The following CPA6 variants were observed in gnomAD, a reference collection of about 807,000 sequenced individuals.
CPA6 encodes carboxypeptidase A6.
A neutral mutation model predicts 63.3 loss-of-function variants in CPA6; 58 were observed. The observed-to-expected ratio is 0.92, with a 90% CI of 0.74 to 1.14. CPA6 has a LOEUF of 1.14. CPA6 is among the 50% of genes most tolerant of loss of function. The pLI, the probability that CPA6 is intolerant of heterozygous loss-of-function variation, is 0.00. For missense variants in CPA6, 565 were observed against 526.6 expected, an observed-to-expected ratio of 1.07 and a Z score of -0.71; for synonymous variants, 185 against 179.0, an observed-to-expected ratio of 1.03 and a Z score of -0.27.
intron 1 of CPA6, among the ~76,000 whole-genome samples, chr8:67,671,606 C>G (rs757453771): frequency 6.6e-6 from 1 of 152,160 alleles, no homozygotes; most frequent in African/African-American, 2.4e-5. Flanking sequence ...TTGCTTTCCT[C>G]GAATCTGAAA....
At chr8:67,648,972 AT>A (rs35455724) in intron 1 of CPA6, among the ~76,000 whole-genome samples, 27 of 148,652 alleles carry the variant, frequency 1.8e-4, no homozygotes, top group African/African-American at 3.4e-4. Context: ...TGGGGAGGGA[AT>A]TTTTTTTTTA....
intron 1 of CPA6, among the ~76,000 whole-genome samples, chr8:67,714,306 C>T (rs1817333766): frequency 6.6e-6 from 1 of 152,134 alleles, no homozygotes; most frequent in African/African-American, 2.4e-5. Context: ...GAATTTGCCC[C>T]AACTGAGGAG....
In CPA6 at chr8:67,475,926, CT is replaced by C. The variant is rs1269719044; in HGVS notation, c.838+7841del. The stretch of plus-strand genomic sequence containing the variant: ...TCTTTCTTTCTTTCTTTCTTTCTTT[CT>C]TTCTTTCTCTTTCTTTCTCTGTCTT... On this transcript the variant is annotated intron_variant, in intron 8 of 10. Transcript: ENST00000297770. Among the ~76,000 whole-genome samples the C allele has an allele frequency of 2.5e-5, 2 of 81,146 alleles. 1 individual carries two copies. The highest frequency in any genetic ancestry group is 4.8e-5 in the Non-Finnish European group (2 of 42,064). 53.2% of individuals were successfully genotyped at this position (81,146 alleles called of 152,430 possible).
chr8:67,499,341 A>G (rs1811787359), intron 6 of CPA6, among the ~76,000 whole-genome samples: 1 of 152,194 alleles, frequency 6.6e-6, no homozygotes, highest in African/African-American at 2.4e-5. Context: ...CAGAGATGAA[A>G]TTGACTGTTT....
chr8:67,452,099 T>G (rs1260592263), intron 8 of CPA6, among the ~76,000 whole-genome samples: 1 of 152,290 alleles, frequency 6.6e-6, no homozygotes, highest in African/African-American at 2.4e-5. Context: ...TGTGTGCTGA[T>G]GAGCTTTCCT....
intron 1 of CPA6, among the ~76,000 whole-genome samples, chr8:67,647,188 A>C (rs1404685913): frequency 6.6e-6 from 1 of 152,184 alleles, no homozygotes; most frequent in Non-Finnish European, 1.5e-5. Context: ...ACATGACCAC[A>C]GGAGAGGGAG....
chr8:67,525,194 C>T (rs916438429), intron 2 of CPA6, among the ~76,000 whole-genome samples: 5 of 152,158 alleles, frequency 3.3e-5, no homozygotes, highest in African/African-American at 1.2e-4. Context: ...ATAGGCCCAT[C>T]CTTTCTTTCC....
chr8:67,484,361 C>G (rs1019117005), intron 7 of CPA6, among the ~76,000 whole-genome samples: 1 of 152,138 alleles, frequency 6.6e-6, no homozygotes, highest in African/African-American at 2.4e-5. Context: ...CTTGAGCCAC[C>G]GCGCCCGGCC....
chr8:67,629,091 A>G (rs1027146091), intron 1 of CPA6, among the ~76,000 whole-genome samples: 7 of 152,040 alleles, frequency 4.6e-5, no homozygotes, highest in African/African-American at 1.7e-4. Context: ...CTCCAGCCTG[A>G]TGACAGAGTG....
chr8:67,557,076 T>C (rs1489423857), intron 2 of CPA6, among the ~76,000 whole-genome samples: 1 of 152,228 alleles, frequency 6.6e-6, no homozygotes, highest in African/African-American at 2.4e-5. Context: ...TTTGTACCTC[T>C]TTGTGGGCCA....
At chr8:67,612,622 C>T (rs752235302) in intron 2 of CPA6, among the ~76,000 whole-genome samples, 2 of 152,194 alleles carry the variant, frequency 1.3e-5, no homozygotes, top group Non-Finnish European at 2.9e-5. Flanking sequence ...ATCAGCAAAA[C>T]ATCTAAGAGA....
At chr8:67,560,292 T>C (rs1460477848) in intron 2 of CPA6, among the ~76,000 whole-genome samples, 2 of 151,998 alleles carry the variant, frequency 1.3e-5, no homozygotes, top group African/African-American at 2.4e-5. Flanking sequence ...CTAGACATTA[T>C]CATCATTTAT....
intron 8 of CPA6, among the ~76,000 whole-genome samples, chr8:67,450,354 C>A (rs1298124317): frequency 6.6e-6 from 1 of 152,060 alleles, no homozygotes; most frequent in Non-Finnish European, 1.5e-5. Context: ...GATAACTAAA[C>A]ATTCTAAGTT....
intron 1 of CPA6, among the ~76,000 whole-genome samples, chr8:67,654,494 T>G (rs921078995): frequency 4.6e-5 from 7 of 152,156 alleles, no homozygotes; most frequent in African/African-American, 1.7e-4. Flanking sequence ...GTTGAGGAAT[T>G]TACCCATTTC....
rs1383563435 is a variant in CPA6 at position 67,489,705 on chromosome 8, GTTA to G, written c.637-4919_637-4917del. The stretch of plus-strand genomic sequence containing the variant: ...ATACTATATGTGTTCATTGGATTAT[GTTA>G]TTATTGTTTGTATTACCTATATTCT... On this transcript the variant is annotated intron_variant, in intron 6 of 10. Coordinates refer to ENST00000297770, the MANE Select transcript of CPA6 (RefSeq NM_020361.5). Among the ~76,000 whole-genome samples the G allele has an allele frequency of 1.4e-4, 22 of 152,072 alleles. No individual in the cohort carries two copies. The East Asian group carries it at 4.0e-3, about 28-fold the overall frequency.
intron 1 of CPA6, among the ~76,000 whole-genome samples, chr8:67,695,608 C>T (rs963178298): frequency 6.6e-6 from 1 of 152,190 alleles, no homozygotes; most frequent in Admixed American, 6.5e-5. Context: ...ATAAGTGTGG[C>T]AACTGGCTCA....
chr8:67,645,923 C>T (rs1304218230), intron 1 of CPA6, among the ~76,000 whole-genome samples: 1 of 152,114 alleles, frequency 6.6e-6, no homozygotes, highest in Non-Finnish European at 1.5e-5. Context: ...TCTTGTTACC[C>T]AGTGTGATGC....
chr8:67,722,249 T>G (rs1817515026), intron 1 of CPA6, among the ~76,000 whole-genome samples: 1 of 152,198 alleles, frequency 6.6e-6, no homozygotes. Context: ...CTTCATTTAC[T>G]AGATTTCAAC....
intron 1 of CPA6, among the ~76,000 whole-genome samples, chr8:67,724,913 C>T (rs1250060351): frequency 6.6e-6 from 1 of 152,198 alleles, no homozygotes; most frequent in African/African-American, 2.4e-5. Context: ...ACTCATCCCC[C>T]AATTTTTGGT....
Sources: gnomAD v4.1 joint callset for allele counts (sites outside exome capture counted in the v4.1 genomes callset) on GRCh38, gnomAD v4.1.1 for gene constraint, MANE v1.5 for transcripts, NCBI Gene and HGNC (gene_info 2026-07-23, HGNC 2026-07-21) for gene names.